ANXA3: variants seen among roughly 807,000 people sequenced by gnomAD.
ANXA3 encodes annexin A3, also known as 35-alpha calcimedin.
ANXA3 carries 46 observed loss-of-function variants against 48.8 expected under a neutral mutation model. The observed-to-expected ratio is 0.94, with a 90% CI of 0.74 to 1.21. The LOEUF (loss-of-function observed/expected upper bound fraction) is 1.21, where lower values mean the gene tolerates loss of function less well. Ranked by LOEUF, ANXA3 falls within the 50% of genes most tolerant of loss-of-function variation. The pLI is 0.00. For synonymous variants in ANXA3, 128 were observed against 134.7 expected, an observed-to-expected ratio of 0.95 and a Z score of 0.35; for missense variants, 383 against 378.6, an observed-to-expected ratio of 1.01 and a Z score of -0.10.
chr4:78,560,311 A>G lies in ANXA3; in HGVS notation c.15+5823A>G, dbSNP rs1722602020. Among the ~76,000 whole-genome samples, 4 of 152,178 alleles carry G rather than the reference A, an allele frequency of 2.6e-5. 1 individual carries two copies. Among genetic ancestry groups the G allele is most frequent in the African/African-American group, 7.2e-5 (3 of 41,432 alleles). On this transcript the variant is annotated intron_variant, in intron 2 of 12. Coordinates refer to ENST00000264908, the MANE Select transcript of ANXA3 (RefSeq NM_005139.3). The stretch of plus-strand genomic sequence containing the variant: ...AGTTCAAGTGTCGGGAATCACCTGC[A>G]CTTCTGGCCAACTGGCTATAAATTT...
chr4:78,576,327 A>T (rs1403256644), intron 3 of ANXA3, among the ~76,000 whole-genome samples: 2 of 151,218 alleles, frequency 1.3e-5, no homozygotes, highest in Admixed American at 1.3e-4. Context: ...TTTTTAAGAG[A>T]GAAGGGCTTG....
At chr4:78,574,343 C>T (rs183129042) in intron 3 of ANXA3, among the ~76,000 whole-genome samples, 133 of 152,226 alleles carry the variant, frequency 8.7e-4, no homozygotes, top group African/African-American at 3.0e-3. Flanking sequence ...TACTTTGAGC[C>T]AGGGAGGTTG....
chr4:78,599,090 T>A (rs2109947815), intron 10 of ANXA3, among the ~76,000 whole-genome samples: 1 of 152,344 alleles, frequency 6.6e-6, no homozygotes, highest in Middle Eastern at 3.4e-3. Flanking sequence ...TGTTTCAGTC[T>A]ACCATTGGAA....
intron 7 of ANXA3, among the ~76,000 whole-genome samples, chr4:78,593,803 ATTTTTTTTT>A (rs60515646): frequency 5.6e-5 from 5 of 88,742 alleles, no homozygotes; most frequent in African/African-American, 1.5e-4. Flanking sequence ...CATTCAGCTA[ATTTTTTTTT>A]TTTTTTTTTT....
chr4:78,580,187 G>A (rs548103440), intron 4 of ANXA3, among the ~76,000 whole-genome samples: 1 of 152,300 alleles, frequency 6.6e-6, no homozygotes, highest in Admixed American at 6.5e-5. Flanking sequence ...GACAGTGACT[G>A]GTGACTGGCT....
intron 6 of ANXA3, 54 bp from the exon 7 acceptor site, chr4:78,591,485 GTTTTA>G: frequency 8.2e-7 from 1 of 1,214,276 alleles, no homozygotes; most frequent in South Asian, 1.3e-5. Flanking sequence ...ACTTTTCTCT[GTTTTA>G]TAATCATATT....
chr4:78,598,677 T>C (rs1578403679), intron 10 of ANXA3, among the ~76,000 whole-genome samples: 1 of 152,134 alleles, frequency 6.6e-6, no homozygotes, highest in Non-Finnish European at 1.5e-5. Flanking sequence ...GTAGCTGGGA[T>C]TACAGGCACA....
intron 2 of ANXA3, among the ~76,000 whole-genome samples, chr4:78,557,967 G>C (rs1443995153): frequency 6.6e-6 from 1 of 152,186 alleles, no homozygotes; most frequent in Non-Finnish European, 1.5e-5. Context: ...GGTAGAAGCA[G>C]CCCAGTTTCC....
At chr4:78,586,784 T>C (rs988570408) in intron 6 of ANXA3, among the ~76,000 whole-genome samples, 1 of 152,232 alleles carries the variant, frequency 6.6e-6, no homozygotes, top group Admixed American at 6.5e-5. Flanking sequence ...GCTAAAGACC[T>C]AATAGTCTGC....
Position 78,579,032 on chromosome 4 carries a change from G to A in ANXA3, c.109G>A (p.Asp37Asn), listed in dbSNP as rs1041016688. ...IQKAIRGIGT[D>N]EKMLISILTE... Reference sequence around the variant, plus strand: ...ATAACTTTTGTTTCATTTAGGAACTGATGAGAAAATGCTCATCAGCATTCT... The same window carrying A: ...ATAACTTTTGTTTCATTTAGGAACTAATGAGAAAATGCTCATCAGCATTCT... Residue 37 changes from aspartate (D) to asparagine (N), a missense_variant, in exon 4 of 13, where the codon GAT (aspartate) becomes AAT (asparagine). Transcript: ENST00000264908. The A allele has an allele frequency of 8.7e-6, 14 of 1,607,478 alleles. No homozygotes were observed. Among genetic ancestry groups the A allele is most frequent in the Middle Eastern group, 1.6e-4 (1 of 6,066 alleles).
In ANXA3 at chr4:78,582,198, G is replaced by A. The variant is rs953437208; in HGVS notation, c.220G>A (p.Gly74Ser). ...TTAGGAGCTGAAAGATGACTTGAAG[G>A]GTGATCTCTCTGGCCACTTTGAGCA... The part of the protein sequence containing the change: ...YGKELKDDLK[G>S]DLSGHFEHLM... The change falls in exon 5 of 13, where the codon GGT (glycine) becomes AGT (serine). Residue 74 changes from glycine (G) to serine (S), a missense_variant. Transcript: ENST00000264908. 6.2e-7 allele frequency: 1 copy of A among 1,612,574 alleles called. No homozygotes were observed. Among genetic ancestry groups the A allele is most frequent in the African/African-American group, 1.3e-5 (1 of 74,980 alleles).
intron 5 of ANXA3, among the ~76,000 whole-genome samples, chr4:78,583,376 G>A (rs1427601503): frequency 1.3e-5 from 2 of 151,970 alleles, no homozygotes; most frequent in Non-Finnish European, 2.9e-5. Context: ...GAAAGAATTG[G>A]AGGCCATGGT....
intron 3 of ANXA3, among the ~76,000 whole-genome samples, chr4:78,578,604 C>A (rs898757366): frequency 6.6e-6 from 1 of 152,006 alleles, no homozygotes; most frequent in Admixed American, 6.6e-5. Flanking sequence ...GTGTTTCATG[C>A]AGGGCAGATT....
intron 4 of ANXA3, among the ~76,000 whole-genome samples, chr4:78,581,179 G>C (rs541835773): frequency 1.3e-5 from 2 of 152,334 alleles, no homozygotes; most frequent in South Asian, 4.1e-4. Context: ...GCACCCCCCA[G>C]GAGTGTGGTT....
At chr4:78,607,624 G>A (rs1437498300) in intron 12 of ANXA3, among the ~76,000 whole-genome samples, 3 of 152,088 alleles carry the variant, frequency 2.0e-5, no homozygotes, top group Admixed American at 2.0e-4. Context: ...GGAAAATATA[G>A]TAGCCACTCA....
At chr4:78,601,458 T>C in intron 10 of ANXA3, 52 bp from the exon 11 acceptor site, 1 of 1,549,820 alleles carries the variant, frequency 6.5e-7, no homozygotes, top group African/African-American at 1.4e-5. Context: ...TTACTATAGA[T>C]TAACCCAATT....
At chr4:78,578,467 G>T (rs75644248) in intron 3 of ANXA3, among the ~76,000 whole-genome samples, 2,152 of 152,212 alleles carry the variant, frequency 0.014, 55 homozygotes, top group African/African-American at 0.049. Flanking sequence ...TGGGGTCAGA[G>T]ATTTGGGTTC....
At chr4:78,601,023 A>G (rs981400659) in intron 10 of ANXA3, among the ~76,000 whole-genome samples, 1 of 152,190 alleles carries the variant, frequency 6.6e-6, no homozygotes, top group Admixed American at 6.5e-5. Context: ...TAATCCAGTC[A>G]TTTAAAAGAA....
chr4:78,598,666 A>C (rs905393500), intron 10 of ANXA3, among the ~76,000 whole-genome samples: 2 of 152,066 alleles, frequency 1.3e-5, no homozygotes, highest in African/African-American at 4.8e-5. Context: ...CAGCCTCCTA[A>C]GTAGCTGGGA....
Sources: allele counts gnomAD v4.1 joint callset (sites outside exome capture counted in the v4.1 genomes callset), GRCh38; gene constraint gnomAD v4.1.1; transcripts MANE v1.5; gene names NCBI Gene and HGNC (gene_info 2026-07-23, HGNC 2026-07-21).